Variants in ABR observed in about 807,000 individuals in gnomAD.
ABR encodes ABR activator of RhoGEF and GTPase, also known as active breakpoint cluster region-related protein.
ABR carries 35 observed loss-of-function variants against 107.2 expected under a neutral mutation model. That is an observed-to-expected ratio of 0.33 (90% CI 0.25 to 0.43). ABR has a LOEUF of 0.43. Ranked by LOEUF, ABR falls within the 20% of genes least tolerant of loss-of-function variation. The probability of loss-of-function intolerance (pLI) is 1.00; values close to 1 mark genes in which losing one functional copy is unlikely to be tolerated. For synonymous variants in ABR, 498 were observed against 462.0 expected (o/e 1.08, Z -1.00); for missense variants, 815 against 1,115.2 (o/e 0.73, Z 3.83).
chr17:1,176,508 G>A (rs993022589), intron 1 of ABR, among the ~76,000 whole-genome samples: 4 of 152,196 alleles, frequency 2.6e-5, no homozygotes, highest in Non-Finnish European at 2.9e-5. Flanking sequence ...TTCCTACTCT[G>A]TAAGAGTTGC....
intron 16 of ABR, among the ~76,000 whole-genome samples, chr17:1,045,588 C>A (rs1164681297): frequency 6.6e-6 from 1 of 152,250 alleles, no homozygotes; most frequent in Non-Finnish European, 1.5e-5. Context: ...CTCCTTAGCC[C>A]CAGCTTCCTC....
intron 3 of ABR, among the ~76,000 whole-genome samples, chr17:1,094,519 C>T (rs527877565): frequency 9.9e-5 from 15 of 151,986 alleles, no homozygotes; most frequent in Middle Eastern, 3.4e-3. Context: ...TACAGGTGTC[C>T]ACCACCCCGC....
rs1567702432 is a variant in ABR, at chr17:1,072,764, G to A, written c.754-10C>T. The A allele has an allele frequency of 6.2e-6, 10 of 1,611,620 alleles. No individual in the cohort carries two copies. The highest frequency in any genetic ancestry group is 8.5e-6 in the Non-Finnish European group (10 of 1,179,494). On this transcript the variant is annotated splice_polypyrimidine_tract_variant and intron_variant, in intron 7 of 22. Coordinates refer to ENST00000302538, the MANE Select transcript of ABR (RefSeq NM_021962.5). ...TGTGCTTCAGCAGGTCCTGGGAAGG[G>A]TGAGGCGGTGAGTTGAGGGGAGCGG... is the stretch of plus-strand genomic sequence containing the variant.
chr17:1,010,929 C>A lies in ABR; in HGVS notation c.2102-66G>T. ...CAGCAGCCCCGTTCCACCCCCGACC[C>A]ATCCTGACACAGCCCCCACCCACTC... On this transcript the variant is annotated intron_variant, in intron 19 of 22. Coordinates refer to ENST00000302538, the MANE Select transcript of ABR (RefSeq NM_021962.5). The surrounding 1 kb of genome is among the most constrained non-coding windows in gnomAD (Gnocchi z 4.1). 1 of 1,590,720 alleles carries A rather than the reference C, an allele frequency of 6.3e-7. No homozygotes were observed. Among genetic ancestry groups the A allele is most frequent in the Non-Finnish European group, 8.6e-7 (1 of 1,169,358 alleles).
rs950334945 is a variant in ABR, at chr17:1,157,887, G to A, written c.61+21780C>T. On this transcript the variant is annotated intron_variant, in intron 1 of 22. Coordinates refer to ENST00000302538, the MANE Select transcript of ABR (RefSeq NM_021962.5). The surrounding 1 kb of genome is among the most constrained non-coding windows in gnomAD (Gnocchi z 4.7). ...AGGAAGGGATCGTGCAGTTTGGTAG[G>A]TCACCTTCTAGAATGGATTGAAAAG... is the stretch of plus-strand genomic sequence containing the variant. Among the ~76,000 whole-genome samples the A allele has an allele frequency of 3.3e-5, 5 of 152,228 alleles. No homozygotes were observed. The highest frequency in any genetic ancestry group is 1.2e-4 in the African/African-American group (5 of 41,456).
chr17:1,177,039 C>T lies in ABR; in HGVS notation c.61+2628G>A, dbSNP rs1234528885. On this transcript the variant is annotated intron_variant, in intron 1 of 22. Coordinates refer to ENST00000302538, the MANE Select transcript of ABR (RefSeq NM_021962.5). ...TTCCCATCTCTAAGTCACACTGCCACCCTGTGCCCTGGGTATACCCCCTTT... is the reference window on the plus strand; with the variant it reads ...TTCCCATCTCTAAGTCACACTGCCATCCTGTGCCCTGGGTATACCCCCTTT... Among the ~76,000 whole-genome samples, 14 of 152,036 alleles carry T rather than the reference C, an allele frequency of 9.2e-5. 1 individual carries two copies. In the South Asian group the frequency reaches 2.9e-3, roughly 32 times the overall value.
intron 4 of ABR, among the ~76,000 whole-genome samples, chr17:1,089,746 G>A (rs568503587): frequency 6.6e-6 from 1 of 152,284 alleles, no homozygotes; most frequent in South Asian, 2.1e-4. Flanking sequence ...GATCACCTGA[G>A]GTCAGGAGTT....
intron 16 of ABR, chr17:1,031,743 C>CCG (rs1245031718): frequency 8.9e-6 from 11 of 1,233,016 alleles, no homozygotes; most frequent in South Asian, 3.6e-5. Context: ...GTCGGTCATG[C>CCG]CGGGGGGGAC....
chr17:1,046,207 T>C (rs568383124), intron 16 of ABR, among the ~76,000 whole-genome samples: 3 of 151,530 alleles, frequency 2.0e-5, no homozygotes, highest in Admixed American at 6.6e-5. Flanking sequence ...GGTTTCGCCA[T>C]GTTGGCCAGG....
chr17:1,207,129 G>C (rs1286900198), intron 1 of ABR, among the ~76,000 whole-genome samples: 1 of 150,676 alleles, frequency 6.6e-6, no homozygotes, highest in East Asian at 2.0e-4. Flanking sequence ...CGTGCCTATA[G>C]TCCCAGCTAC....
Position 1,048,361 on chromosome 17 carries a change from C to T in ABR, c.1791+1689G>A, listed in dbSNP as rs573469919. 4.3e-4 allele frequency among the ~76,000 whole-genome samples: 65 copies of T among 152,298 alleles called. 1 individual carries two copies. The highest frequency in any genetic ancestry group is 2.7e-3 in the Admixed American group (41 of 15,284). On this transcript the variant is annotated intron_variant, in intron 16 of 22. Coordinates refer to ENST00000302538, the MANE Select transcript of ABR (RefSeq NM_021962.5). ...AACACTGGAGCCTGAGATGGGGCAG[C>T]GAGTGGGAGACCCACACAGCTCCCC...
intron 16 of ABR, among the ~76,000 whole-genome samples, chr17:1,040,029 C>G (rs897358980): frequency 6.6e-6 from 1 of 152,182 alleles, no homozygotes; most frequent in African/African-American, 2.4e-5. Context: ...GGCCAGGGGC[C>G]CGGCTGTGGT....
chr17:1,196,698 T>C (rs1325661077), intron 1 of ABR, among the ~76,000 whole-genome samples: 7 of 70,902 alleles, frequency 9.9e-5, no homozygotes, highest in Non-Finnish European at 2.2e-4. Context: ...CAACCTTCCT[T>C]TTTTTTTTTT....
At chr17:1,030,884 TGCGCTGG>T (rs1264754537) in intron 16 of ABR, among the ~76,000 whole-genome samples, 22 of 152,382 alleles carry the variant, frequency 1.4e-4, no homozygotes, top group East Asian at 7.7e-4. Flanking sequence ...GCACTTCCTG[TGCGCTGG>T]GCGCTGGGTC....
upstream of ABR, among the ~76,000 whole-genome samples, chr17:1,189,350 C>CTT (rs202096936): frequency 0.011 from 1,474 of 137,666 alleles, 25 homozygotes; most frequent in African/African-American, 0.032. Flanking sequence ...CTATGGCTTC[C>CTT]TTTTTTTTTT....
chr17:1,117,031 A>G (rs1415776895), intron 2 of ABR, among the ~76,000 whole-genome samples: 1 of 152,158 alleles, frequency 6.6e-6, no homozygotes, highest in Non-Finnish European at 1.5e-5. Context: ...GCAACCTCGA[A>G]TCCCAAGCCC....
chr17:1,224,047 G>C (rs1212861423), intron 1 of ABR, among the ~76,000 whole-genome samples: 2 of 152,206 alleles, frequency 1.3e-5, no homozygotes, highest in African/African-American at 4.8e-5. Context: ...GCTGGCAAAA[G>C]TAAGCCCTTA....
intron 1 of ABR, among the ~76,000 whole-genome samples, chr17:1,161,545 C>G (rs573313243): frequency 6.8e-6 from 1 of 148,092 alleles, no homozygotes; most frequent in Admixed American, 6.8e-5. Flanking sequence ...CGTGCCCGGT[C>G]AAAGTCACTA....
At chr17:1,021,016 G>A (rs1437769370) in intron 16 of ABR, among the ~76,000 whole-genome samples, 1 of 152,146 alleles carries the variant, frequency 6.6e-6, no homozygotes, top group Non-Finnish European at 1.5e-5. Flanking sequence ...CCAGCACGCA[G>A]CTCGCCCCAA....
Sources: allele counts gnomAD v4.1 joint callset (sites outside exome capture counted in the v4.1 genomes callset), GRCh38; gene constraint gnomAD v4.1.1; non-coding constraint Gnocchi (gnomAD v3.1); transcripts MANE v1.5; gene names NCBI Gene and HGNC (gene_info 2026-07-23, HGNC 2026-07-21).